PCCA: variants seen among roughly 807,000 people sequenced by gnomAD.
The protein encoded by PCCA is propionyl-CoA carboxylase subunit alpha, also known as propionyl-CoA carboxylase alpha chain, mitochondrial.
PCCA carries 74 observed loss-of-function variants against 101.3 expected under a neutral mutation model. That is an observed-to-expected ratio of 0.73 (90% CI 0.61 to 0.89). PCCA has a LOEUF of 0.89. PCCA is among the 40% of genes least tolerant of loss of function. The pLI is 0.00. For missense variants in PCCA, 891 were observed against 907.0 expected, an observed-to-expected ratio of 0.98 and a Z score of 0.23; for synonymous variants, 294 against 313.6, an observed-to-expected ratio of 0.94 and a Z score of 0.66.
intron 19 of PCCA, among the ~76,000 whole-genome samples, chr13:100,417,698 C>T (rs1409958487): frequency 1.3e-5 from 2 of 152,108 alleles, no homozygotes; most frequent in South Asian, 2.1e-4. Context: ...GTCATCTCTC[C>T]ACTGCCTCCC....
rs76081580 is a variant in PCCA at position 100,439,739 on chromosome 13, G to T, written c.1846-9513G>T. 5.1e-3 allele frequency among the ~76,000 whole-genome samples: 775 copies of T among 151,964 alleles called. 5 individuals are homozygous for T. Among genetic ancestry groups the T allele is most frequent in the African/African-American group, 0.018 (726 of 41,458 alleles). On this transcript the variant is annotated intron_variant, in intron 20 of 23. Transcript: ENST00000376285. ...AGAGCCGACTAACTGCTGTTGGCCT[G>T]TTTCTTTGTATGGCGTGATTTCTTC... is the stretch of plus-strand genomic sequence containing the variant.
In PCCA at chr13:100,117,973, A is replaced by G. The variant is rs201885118; in HGVS notation, c.300+5912A>G. On this transcript the variant is annotated intron_variant, in intron 4 of 23. Transcript: ENST00000376285. The stretch of plus-strand genomic sequence containing the variant: ...CTACTAAAAATACAAAAAATTAGCC[A>G]GGCGTGGTGGCAGGCTCCTGTGGTC... Among the ~76,000 whole-genome samples, 27 of 151,952 alleles carry G rather than the reference A, an allele frequency of 1.8e-4. 1 individual carries two copies. The highest frequency in any genetic ancestry group is 3.4e-3 in the Middle Eastern group (1 of 294).
chr13:100,248,050 C>G (rs1381627695), intron 8 of PCCA, among the ~76,000 whole-genome samples: 1 of 151,838 alleles, frequency 6.6e-6, no homozygotes, highest in Non-Finnish European at 1.5e-5. Flanking sequence ...TTATCTTTTT[C>G]ATCTGCCAGT....
intron 12 of PCCA, among the ~76,000 whole-genome samples, chr13:100,287,119 A>C (rs1407332614): frequency 1.3e-5 from 2 of 152,098 alleles, no homozygotes; most frequent in African/African-American, 4.8e-5. Context: ...TAATAATTCG[A>C]AGTGCTATCT....
rs374771021 is a variant in PCCA, at chr13:100,136,161, CTGAA to C, written c.301-18814_301-18811del. Among the ~76,000 whole-genome samples the C allele has an allele frequency of 1.5e-3, 213 of 146,390 alleles. 2 individuals carry two copies. The highest frequency in any genetic ancestry group is 0.01 in the South Asian group (47 of 4,546). On this transcript the variant is annotated intron_variant, in intron 4 of 23. Transcript: ENST00000376285. ...AAATTAATTGGGAAATGTTTCTTCT[CTGAA>C]TGAGAGTGTATAAAATTGTTTTTTT...
chr13:100,530,260 C>A lies in PCCA; in HGVS notation c.*94C>A. On this transcript the variant is annotated 3_prime_UTR_variant, in exon 24 of 24. Transcript: ENST00000376285. ...GATTCAAGCATTATACAGGAACACC[C>A]CTGTGCAGCTACGTTTACGTCGTCA... The A allele has an allele frequency of 2.0e-6, 2 of 992,016 alleles. No individual in the cohort carries two copies. Among genetic ancestry groups the A allele is most frequent in the Non-Finnish European group, 3.2e-6 (2 of 622,880 alleles). The allele number at this position is 992,016 out of a possible 1,614,324, so 61.5% of individuals were successfully genotyped here.
intron 19 of PCCA, among the ~76,000 whole-genome samples, chr13:100,403,016 T>TA (rs1409230986): frequency 7.3e-5 from 11 of 151,468 alleles, no homozygotes; most frequent in African/African-American, 2.4e-4. Context: ...TTTTTTTTTT[T>TA]AATTAAGCAA....
intron 12 of PCCA, among the ~76,000 whole-genome samples, chr13:100,282,416 G>A (rs964473739): frequency 4.6e-5 from 7 of 152,222 alleles, no homozygotes; most frequent in African/African-American, 1.4e-4. Context: ...GGCCAGAGCC[G>A]GCTCTCTCAG....
intron 8 of PCCA, among the ~76,000 whole-genome samples, chr13:100,248,196 T>A (rs2061557153): frequency 6.6e-6 from 1 of 152,136 alleles, no homozygotes; most frequent in Non-Finnish European, 1.5e-5. Context: ...ATTTATTGTA[T>A]TTAAAATTAT....
intron 19 of PCCA, among the ~76,000 whole-genome samples, chr13:100,379,922 C>T (rs145061299): frequency 6.6e-6 from 1 of 152,280 alleles, no homozygotes; most frequent in Non-Finnish European, 1.5e-5. Context: ...AAAGATGCAA[C>T]ACAATTCCTG....
chr13:100,191,256 A>G (rs2057722260), intron 6 of PCCA, among the ~76,000 whole-genome samples: 1 of 152,218 alleles, frequency 6.6e-6, no homozygotes, highest in Non-Finnish European at 1.5e-5. Flanking sequence ...GTGATTTCAT[A>G]AGCTTCTTAA....
At chr13:100,445,663 G>A (rs1277410155) in intron 20 of PCCA, among the ~76,000 whole-genome samples, 1 of 152,096 alleles carries the variant, frequency 6.6e-6, no homozygotes, top group Non-Finnish European at 1.5e-5. Flanking sequence ...AGGTCATATG[G>A]TATGTCTTTC....
chr13:100,499,513 G>C (rs12586047), intron 21 of PCCA, among the ~76,000 whole-genome samples: 35,748 of 152,224 alleles, frequency 0.23, 5,039 homozygotes, highest in East Asian at 0.55. Context: ...AGAGTAATAG[G>C]CAAGACTGTA....
At position 100,175,516 on chromosome 13, in the gene PCCA, C is replaced by T. The variant is rs897302147; in HGVS notation, c.468+18176C>T. 2.0e-5 allele frequency among the ~76,000 whole-genome samples: 3 copies of T among 152,104 alleles called. No homozygotes were observed. In the South Asian group the frequency reaches 6.2e-4, roughly 31 times the overall value. On this transcript the variant is annotated intron_variant, in intron 6 of 23. Coordinates refer to ENST00000376285, the MANE Select transcript of PCCA (RefSeq NM_000282.4). ...TAATTGATGTTGAATTGTGGCTTTC[C>T]GTGCACACAGGGTTAAGTGAAAAGG...
chr13:100,291,592 TC>T (rs1162327708), intron 12 of PCCA, among the ~76,000 whole-genome samples: 1 of 152,204 alleles, frequency 6.6e-6, no homozygotes, highest in Non-Finnish European at 1.5e-5. Flanking sequence ...GTGCTAGTAA[TC>T]CCCCTGCTGT....
intron 16 of PCCA, among the ~76,000 whole-genome samples, chr13:100,328,317 T>C (rs2068953559): frequency 6.6e-6 from 1 of 151,060 alleles, no homozygotes; most frequent in African/African-American, 2.4e-5. Context: ...GAGCCGAGGT[T>C]GCACCACTGC....
At chr13:100,093,042 G>T (rs549975838) in intron 1 of PCCA, among the ~76,000 whole-genome samples, 5 of 152,214 alleles carry the variant, frequency 3.3e-5, no homozygotes, top group Non-Finnish European at 7.3e-5. Context: ...TGACATTTTT[G>T]ATGAAGAGTG....
At chr13:100,217,569 T>TTGTG (rs372376065) in intron 7 of PCCA, among the ~76,000 whole-genome samples, 18 of 150,004 alleles carry the variant, frequency 1.2e-4, no homozygotes, top group African/African-American at 3.4e-4. Context: ...GTATCAGTTT[T>TTGTG]TGTGTGTGTG....
chr13:100,402,270 T>A (rs2077413542), intron 19 of PCCA, among the ~76,000 whole-genome samples: 1 of 151,874 alleles, frequency 6.6e-6, no homozygotes, highest in African/African-American at 2.4e-5. Flanking sequence ...GTTTTTTTTT[T>A]AAAGAACCAT....
Sources: allele counts gnomAD v4.1 joint callset (sites outside exome capture counted in the v4.1 genomes callset), GRCh38; gene constraint gnomAD v4.1.1; transcripts MANE v1.5; gene names NCBI Gene and HGNC (gene_info 2026-07-23, HGNC 2026-07-21).